The following RYR1 variants were observed in gnomAD, a reference collection of about 807,000 sequenced individuals.
RYR1 encodes the protein central core disease of muscle.
Under a neutral mutation model 583.5 loss-of-function variants are expected in RYR1, and 342 were observed. That is an observed-to-expected ratio of 0.59 (90% CI 0.54 to 0.64). The LOEUF is 0.64. RYR1 is among the 30% of genes least tolerant of loss of function. The pLI, the probability that RYR1 is intolerant of heterozygous loss-of-function variation, is 0.00. For synonymous variants in RYR1, 2,791 were observed against 2,822.5 expected (o/e 0.99, Z 0.35); for missense variants, 6,032 against 6,917.2 (o/e 0.87, Z 4.54).
chr19:38,501,153 C>G (rs1237901891), intron 47 of RYR1, among the ~76,000 whole-genome samples, 163 bp downstream of exon 47: 1 of 152,204 alleles, frequency 6.6e-6, no homozygotes, highest in African/African-American at 2.4e-5. Flanking sequence ...CGAAGAAACA[C>G]TGAATTCCGA....
At position 38,473,571 on chromosome 19, in the gene RYR1, C is replaced by T. The variant is rs768095292; in HGVS notation, c.3960C>T (p.Asp1320=). 7.5e-6 allele frequency: 12 copies of T among 1,598,916 alleles called. No individual in the cohort carries two copies. The East Asian group carries it at 1.8e-4, about 24-fold the overall frequency. The change falls in exon 28 of 106, where the codon GAC becomes GAT. Residue 1320 remains aspartate, a synonymous_variant. Transcript: ENST00000359596. ...APPGLQPPAE[D]EARAAEPDPD... is the part of the protein sequence containing the mutation. ...CTGGCCTGCAGCCCCCCGCCGAGGA[C>T]GAGGCCCGGGCGGCGGAACCCGACC...
chr19:38,514,559 C>A (rs1223956260), intron 63 of RYR1, among the ~76,000 whole-genome samples: 1 of 151,990 alleles, frequency 6.6e-6, no homozygotes, highest in Non-Finnish European at 1.5e-5. Flanking sequence ...GGATTACAGG[C>A]ATGAGCCTCT....
At position 38,502,587 on chromosome 19, in the gene RYR1, T is replaced by G. The variant is rs750159558; in HGVS notation, c.7695T>G (p.Cys2565Trp). The change falls in exon 48 of 106, where the codon TGT becomes TGG. Residue 2565 changes from cysteine (C) to tryptophan (W), a missense_variant. Around this residue, in one of 11 missense-constraint regions of RYR1, gnomAD observed 250 missense variants for 162.3 expected, o/e 1.54. Transcript: ENST00000359596. ...CLAVLPLITKCAPLFAGTEHR... is the reference protein window; with the variant it reads ...CLAVLPLITKWAPLFAGTEHR... ...CCGTGCTGCCGCTCATCACCAAGTG[T>G]GCGCCGCTCTTTGCGGGCACAGAAC... 6.2e-7 allele frequency: 1 copy of G among 1,612,302 alleles called. No individual in the cohort carries two copies. The highest frequency in any genetic ancestry group is 1.1e-5 in the South Asian group (1 of 91,012).
chr19:38,539,284 A>C (rs1972106528), intron 84 of RYR1, among the ~76,000 whole-genome samples: 1 of 142,690 alleles, frequency 7.0e-6, no homozygotes, highest in South Asian at 2.2e-4. Context: ...CTTGTCGCCC[A>C]GACTGGAGTG....
In RYR1 at chr19:38,468,956, G is replaced by C. The variant is rs1320396140; in HGVS notation, c.3382-10G>C. On this transcript the variant is annotated splice_polypyrimidine_tract_variant and intron_variant, in intron 25 of 105. Coordinates refer to ENST00000359596, the MANE Select transcript of RYR1 (RefSeq NM_000540.3). ...TCCCCACACCATGTCTTCTCTGGCT[G>C]TCCTCACAGGGCCAGCGCTGGCACT... 6.2e-7 allele frequency: 1 copy of C among 1,614,034 alleles called. No individual in the cohort carries two copies. The highest frequency in any genetic ancestry group is 8.5e-7 in the Non-Finnish European group (1 of 1,179,982).
At chr19:38,501,054 C>T (rs1443950158) in intron 47 of RYR1, 64 bp downstream of exon 47, 10 of 1,521,172 alleles carry the variant, frequency 6.6e-6, no homozygotes, top group South Asian at 1.1e-5. Flanking sequence ...AGATGGGTCA[C>T]GGTAGAGCAG....
rs545531894 is a variant in RYR1, at chr19:38,525,228, G to T, written c.10456-104G>T. On this transcript the variant is annotated intron_variant, in intron 70 of 105. Coordinates refer to ENST00000359596, the MANE Select transcript of RYR1 (RefSeq NM_000540.3). ...TGTCGTCGGCAGTTGGGGAGGGAGT[G>T]CCTGGTGTCCAGACTGGGGCCTGGG... The T allele has an allele frequency of 5.4e-5, 73 of 1,358,348 alleles. No homozygotes were observed. The South Asian group carries it at 8.1e-4, about 15-fold the overall frequency. 84.1% of individuals were successfully genotyped at this position (1,358,348 alleles called of 1,614,324 possible). A position where few individuals can be genotyped will look rare whatever the true frequency, so the allele number is the denominator to read the frequency against.
At position 38,489,348 on chromosome 19, in the gene RYR1, G is replaced by C. The variant is rs1279477571; in HGVS notation, c.5719G>C (p.Glu1907Gln). ...AACAGCACAGGAAAAGGAAGATGAG[G>C]AAAAAGAGGAAGAGGAGGCAGCAGA... ...EETAQEKEDE[E>Q]KEEEEAAEGE... The change falls in exon 35 of 106, where the codon GAA becomes CAA. Residue 1907 changes from glutamate (E) to glutamine (Q), a missense_variant. By Grantham distance (29) the Glu-to-Gln change is conservative. This residue lies in a region of RYR1 where 2,627 missense variants were observed against 2,961.3 expected (regional missense o/e 0.89). Transcript: ENST00000359596. 1 of 1,611,536 alleles carries C rather than the reference G, an allele frequency of 6.2e-7. No individual in the cohort carries two copies.
At chr19:38,478,736 G>C (rs891498677) in intron 31 of RYR1, 136 bp downstream of exon 31, 1 of 934,036 alleles carries the variant, frequency 1.1e-6, no homozygotes, top group South Asian at 1.4e-5. Flanking sequence ...GAGGTCGCTG[G>C]GAGACCACCT....
chr19:38,572,287 G>C lies in RYR1; in HGVS notation c.13998+17G>C, dbSNP rs764036482. The C allele has an allele frequency of 6.4e-7, 1 of 1,570,294 alleles. No individual in the cohort carries two copies. Among genetic ancestry groups the C allele is most frequent in the South Asian group, 1.1e-5 (1 of 90,560 alleles). On this transcript the variant is annotated intron_variant, in intron 95 of 105. Transcript: ENST00000359596. The stretch of plus-strand genomic sequence containing the variant: ...TGTCTCAAGGTGGGCCCATGGCCAT[G>C]GTTCTGGGGCAAGGGCTTATTGGCT...
Position 38,528,606 on chromosome 19 carries a change from G to T in RYR1, c.10945G>T (p.Ala3649Ser), listed in dbSNP as rs1971588544. The part of the protein sequence containing the change: ...TPLYNLPTHR[A>S]CNMFLESYKA... ...CACACCTCTCCCCTGCAGGCACCGG[G>T]CATGTAACATGTTCCTGGAGAGCTA... The change falls in exon 75 of 106, where the codon GCA (alanine) becomes TCA (serine). Residue 3649 changes from alanine (A) to serine (S), a missense_variant. Ala to Ser is a moderately conservative substitution (Grantham distance 99). Coordinates refer to ENST00000359596, the MANE Select transcript of RYR1 (RefSeq NM_000540.3). The T allele has an allele frequency of 1.2e-6, 2 of 1,614,168 alleles. No homozygotes were observed. The highest frequency in any genetic ancestry group is 4.5e-5 in the East Asian group (2 of 44,882).
intron 34 of RYR1, among the ~76,000 whole-genome samples, chr19:38,487,017 C>T (rs577359482): frequency 2.0e-5 from 3 of 152,338 alleles, no homozygotes; most frequent in African/African-American, 7.2e-5. Context: ...GTCCATCTAC[C>T]ATTCCATCTG....
Position 38,494,853 on chromosome 19 carries a change from C to CT in RYR1, c.6548+243dup, listed in dbSNP as rs1226486711. Among the ~76,000 whole-genome samples the CT allele has an allele frequency of 0.016, 2,027 of 127,344 alleles. 79 individuals carry two copies. The highest frequency in any genetic ancestry group is 0.059 in the Admixed American group (693 of 11,834). 83.5% of individuals were successfully genotyped at this position (127,344 alleles called of 152,430 possible). A position where few individuals can be genotyped will look rare whatever the true frequency, so the allele number is the denominator to read the frequency against. On this transcript the variant is annotated intron_variant, in intron 39 of 105. Coordinates refer to ENST00000359596, the MANE Select transcript of RYR1 (RefSeq NM_000540.3). ...TCAGCAGGACATTCCCCACCCCCCC[C>CT]TTTTTTTTTTTTTTTGTGAGACTGA...
chr19:38,517,565 G>T lies in RYR1; in HGVS notation c.9892G>T (p.Ala3298Ser). 6.2e-7 allele frequency: 1 copy of T among 1,612,550 alleles called. No homozygotes were observed. Reference protein sequence around the residue: ...GPEAPPSALPAGAPPPCTAVT... With the variant: ...GPEAPPSALPSGAPPPCTAVT... ...CGAGGCACCCCCTTCCGCCCTGCCC[G>T]CCGGCGCCCCCCCACCCTGCACAGC... The change falls in exon 66 of 106, where the codon GCC becomes TCC. Residue 3298 changes from alanine to serine, a missense_variant. Physicochemically the swap from Ala to Ser is moderately conservative, Grantham distance 99. Coordinates refer to ENST00000359596, the MANE Select transcript of RYR1 (RefSeq NM_000540.3).
chr19:38,499,018 C>CGCAGG lies in RYR1; in HGVS notation c.6892-70_6892-66dup, dbSNP rs3842417. 3.9e-5 allele frequency: 60 copies of CGCAGG among 1,549,424 alleles called. No homozygotes were observed. Among genetic ancestry groups the CGCAGG allele is most frequent in the Admixed American group, 3.2e-4 (18 of 55,468 alleles). On this transcript the variant is annotated intron_variant, in intron 42 of 105. Coordinates refer to ENST00000359596, the MANE Select transcript of RYR1 (RefSeq NM_000540.3). This position sits in a 1 kb window ranked among gnomAD's most constrained non-coding sequence, Gnocchi z 7.3. ...TCAGAGCTGAACCGGACTGAGGAGC[C>CGCAGG]GCAGGGCAGGGCAGGGCAGGGCAGA...
In RYR1 at chr19:38,548,142, G is replaced by A. The variant is rs959462417; in HGVS notation, c.12095-91G>A. Reference sequence around the variant, plus strand: ...GGCTGGCCAGGGACACTCCAGCAGCGTGGTGGCTCCTGGGCTGGAAAGAGA... The same window carrying A: ...GGCTGGCCAGGGACACTCCAGCAGCATGGTGGCTCCTGGGCTGGAAAGAGA... On this transcript the variant is annotated intron_variant, in intron 88 of 105. Transcript: ENST00000359596. The A allele has an allele frequency of 3.0e-5, 42 of 1,396,124 alleles. No individual in the cohort carries two copies. In the Admixed American group the frequency reaches 5.3e-4, roughly 18 times the overall value. 86.5% of individuals were successfully genotyped at this position (1,396,124 alleles called of 1,614,324 possible). A position where few individuals can be genotyped will look rare whatever the true frequency, so the allele number is the denominator to read the frequency against.
intron 64 of RYR1, among the ~76,000 whole-genome samples, chr19:38,515,558 C>A (rs1428376569): frequency 6.6e-6 from 1 of 152,150 alleles, no homozygotes; most frequent in African/African-American, 2.4e-5. Context: ...CTTTGGGAGG[C>A]TGAGGCGGGA....
At chr19:38,513,122 G>A (rs942079405) in intron 63 of RYR1, among the ~76,000 whole-genome samples, 2 of 152,216 alleles carry the variant, frequency 1.3e-5, no homozygotes, top group African/African-American at 4.8e-5. Flanking sequence ...CAGATCACCT[G>A]AGCTCAGGAG....
rs753194151 is a variant in RYR1 at position 38,469,381 on chromosome 19, G to T, written c.3633G>T (p.Arg1211Ser). 8.7e-6 allele frequency: 14 copies of T among 1,614,108 alleles called. No homozygotes were observed. The South Asian group carries it at 1.5e-4, about 18-fold the overall frequency. The change falls in exon 27 of 106, where the codon AGG becomes AGT. Residue 1211 changes from arginine to serine, a missense_variant. Arg to Ser is a moderately radical substitution (Grantham distance 110, BLOSUM62 -1). Transcript: ENST00000359596. Reference sequence around the variant, plus strand: ...TGGGCCAGGACGTGAGCTCTCTGAGGTTCTTTGCCATCTGTGGCCTCCAGG... The same window carrying T: ...TGGGCCAGGACGTGAGCTCTCTGAGTTTCTTTGCCATCTGTGGCCTCCAGG... ...LNLGQDVSSL[R>S]FFAICGLQEG...
Sources: gnomAD v4.1 joint callset for allele counts (sites outside exome capture counted in the v4.1 genomes callset) on GRCh38, gnomAD v4.1.1 for gene constraint, gnomAD v4.1.1 regional missense constraint, Gnocchi (gnomAD v3.1) non-coding constraint, MANE v1.5 for transcripts, NCBI Gene and HGNC (gene_info 2026-07-23, HGNC 2026-07-21) for gene names.